CSMD1: variants seen among roughly 807,000 people sequenced by gnomAD.
CSMD1 encodes CUB and Sushi multiple domains 1.
In CSMD1, 213 loss-of-function variants were observed where a neutral mutation model predicts 417.5. The observed-to-expected ratio is 0.51, with a 90% CI of 0.46 to 0.57. The LOEUF is 0.57. Ranked by LOEUF, CSMD1 falls within the 20% of genes least tolerant of loss-of-function variation. The probability of loss-of-function intolerance (pLI) is 0.00; values close to 1 mark genes in which losing one functional copy is unlikely to be tolerated. For missense variants in CSMD1, 6,923 were observed against 4,529.7 expected, an observed-to-expected ratio of 1.53 and a Z score of -15.17; for synonymous variants, 2,862 against 1,736.8, an observed-to-expected ratio of 1.65 and a Z score of -16.11.
chr8:4,536,721 C>T (rs1797120809), intron 2 of CSMD1, among the ~76,000 whole-genome samples: 1 of 151,992 alleles, frequency 6.6e-6, no homozygotes, highest in Non-Finnish European at 1.5e-5. Context: ...TGAGTATATG[C>T]CACTTTTACT....
chr8:4,573,048 G>A (rs983889982), intron 2 of CSMD1, among the ~76,000 whole-genome samples: 12 of 152,188 alleles, frequency 7.9e-5, no homozygotes, highest in African/African-American at 2.6e-4. Context: ...TATCTTCCTT[G>A]TATTGGGTTA....
intron 12 of CSMD1, among the ~76,000 whole-genome samples, chr8:3,459,194 C>T (rs1816338924): frequency 6.6e-6 from 1 of 152,196 alleles, no homozygotes; most frequent in Non-Finnish European, 1.5e-5. Flanking sequence ...CAGTGACTTG[C>T]TCTGTGGTGG....
intron 1 of CSMD1, among the ~76,000 whole-genome samples, chr8:4,804,455 T>C (rs1287906335): frequency 6.7e-6 from 1 of 150,206 alleles, no homozygotes; most frequent in East Asian, 2.0e-4. Context: ...GACTTCGGTG[T>C]AGATTTTTTT....
intron 1 of CSMD1, among the ~76,000 whole-genome samples, chr8:4,723,370 T>C (rs1283627977): frequency 6.6e-6 from 1 of 152,154 alleles, no homozygotes; most frequent in Non-Finnish European, 1.5e-5. Flanking sequence ...TTCGCTCAAC[T>C]CATGAAAAAC....
At chr8:4,643,518 A>G (rs981741501) in intron 1 of CSMD1, among the ~76,000 whole-genome samples, 2 of 152,158 alleles carry the variant, frequency 1.3e-5, no homozygotes, top group African/African-American at 4.8e-5. Flanking sequence ...TAAAAAACAT[A>G]AAATAAAGAA....
In CSMD1 at chr8:2,991,492, A is replaced by T. The variant is rs76983886; in HGVS notation, c.8377+6519T>A. 6.9e-4 allele frequency among the ~76,000 whole-genome samples: 105 copies of T among 152,334 alleles called. 2 individuals are homozygous for T. In the East Asian group the frequency reaches 0.019, roughly 28 times the overall value. On this transcript the variant is annotated intron_variant, in intron 54 of 69. Transcript: ENST00000635120. ...AGGCCAGATATGGCCTTATCCTAAG[A>T]CTTTTGAAAAATCTCAGAGAAGAGA...
intron 3 of CSMD1, among the ~76,000 whole-genome samples, chr8:4,341,551 TAC>T (rs1800479384): frequency 6.6e-6 from 1 of 152,136 alleles, no homozygotes; most frequent in South Asian, 2.1e-4. Flanking sequence ...TTATTTTTCC[TAC>T]AGTGTGATTT....
intron 23 of CSMD1, among the ~76,000 whole-genome samples, chr8:3,312,316 C>T (rs1338077824): frequency 6.6e-6 from 1 of 152,148 alleles, no homozygotes; most frequent in Non-Finnish European, 1.5e-5. Context: ...CCAGCTGTCT[C>T]CTTTTTTTCT....
intron 1 of CSMD1, among the ~76,000 whole-genome samples, chr8:4,776,520 G>C (rs1194907894): frequency 6.6e-6 from 1 of 152,134 alleles, no homozygotes; most frequent in East Asian, 1.9e-4. Context: ...GGGCCCCATA[G>C]GAATGGTGGC....
chr8:4,959,298 T>G (rs1022342004), intron 1 of CSMD1, among the ~76,000 whole-genome samples: 3 of 152,214 alleles, frequency 2.0e-5, no homozygotes, highest in Admixed American at 6.5e-5. Context: ...ACAGGTATGT[T>G]TATTGTAGGA....
intron 5 of CSMD1, among the ~76,000 whole-genome samples, chr8:3,986,482 T>C (rs1219315574): frequency 2.0e-5 from 3 of 152,140 alleles, no homozygotes; most frequent in Non-Finnish European, 4.4e-5. Flanking sequence ...AGCAACTGAC[T>C]TCCCTGGCTA....
Position 3,663,286 on chromosome 8 carries a change from G to A in CSMD1, c.1009+45128C>T, listed in dbSNP as rs370067828. 2.1e-4 allele frequency among the ~76,000 whole-genome samples: 32 copies of A among 152,260 alleles called. No homozygotes were observed. In the South Asian group the frequency reaches 6.4e-3, roughly 31 times the overall value. ...AGTGCTGATACTACTGACAGACAGG[G>A]GTGGGATGTGGGCAGTAGAATATAT... On this transcript the variant is annotated intron_variant, in intron 7 of 69. Transcript: ENST00000635120.
intron 1 of CSMD1, among the ~76,000 whole-genome samples, chr8:4,668,610 T>G (rs1237928472): frequency 6.6e-6 from 1 of 151,786 alleles, no homozygotes; most frequent in Non-Finnish European, 1.5e-5. Context: ...CCACCACGCC[T>G]GGCTAATTTT....
chr8:4,777,649 A>C (rs1369222321), intron 1 of CSMD1, among the ~76,000 whole-genome samples: 1 of 152,228 alleles, frequency 6.6e-6, no homozygotes, highest in African/African-American at 2.4e-5. Context: ...ATACTGTATT[A>C]GCTTGGTACA....
intron 1 of CSMD1, among the ~76,000 whole-genome samples, chr8:4,896,901 G>C (rs866299112): frequency 6.6e-6 from 1 of 151,914 alleles, no homozygotes; most frequent in South Asian, 2.1e-4. Flanking sequence ...ACAGTATCTT[G>C]GGCTCCTTTA....
chr8:3,191,279 A>T lies in CSMD1; in HGVS notation c.5195-1164T>A, dbSNP rs1435033917. ...TTTATCAGCCTGGCCAACAGGTGAA[A>T]CCCCCGTCTCTACTAAAAATACAAA... On this transcript the variant is annotated intron_variant, in intron 33 of 69. Transcript: ENST00000635120. Among the ~76,000 whole-genome samples, 4 of 151,792 alleles carry T rather than the reference A, an allele frequency of 2.6e-5. No individual in the cohort carries two copies. In the East Asian group the frequency reaches 5.8e-4, roughly 22 times the overall value.
At chr8:4,506,895 T>G (rs1386819743) in intron 2 of CSMD1, among the ~76,000 whole-genome samples, 1 of 152,180 alleles carries the variant, frequency 6.6e-6, no homozygotes, top group Non-Finnish European at 1.5e-5. Flanking sequence ...TAGGGAGCAT[T>G]TAATTTCTGT....
At chr8:3,236,128 C>T (rs899422966) in intron 26 of CSMD1, among the ~76,000 whole-genome samples, 4 of 151,884 alleles carry the variant, frequency 2.6e-5, no homozygotes, top group African/African-American at 9.7e-5. Flanking sequence ...CCATGTTAGC[C>T]AGGAGAGTCT....
At chr8:4,236,644 A>G (rs1268479160) in intron 3 of CSMD1, among the ~76,000 whole-genome samples, 1 of 152,196 alleles carries the variant, frequency 6.6e-6, no homozygotes, top group Non-Finnish European at 1.5e-5. Flanking sequence ...GCCAAAATCA[A>G]TGTTAAAATA....
Sources: allele counts gnomAD v4.1 joint callset (sites outside exome capture counted in the v4.1 genomes callset), GRCh38; gene constraint gnomAD v4.1.1; transcripts MANE v1.5; gene names NCBI Gene and HGNC (gene_info 2026-07-23, HGNC 2026-07-21).